CCDC146: variants seen among roughly 807,000 people sequenced by gnomAD.
CCDC146 encodes coiled-coil domain-containing protein 146.
Under a neutral mutation model 119.3 loss-of-function variants are expected in CCDC146, and 92 were observed. The ratio of observed to expected loss-of-function variants is 0.77; its 90% confidence interval spans 0.65 to 0.92. The LOEUF is 0.92. CCDC146 is among the 40% of genes least tolerant of loss of function. The probability of loss-of-function intolerance (pLI) is 0.00; values close to 1 mark genes in which losing one functional copy is unlikely to be tolerated. For synonymous variants in CCDC146, 372 were observed against 371.8 expected (o/e 1.00, Z -0.01); for missense variants, 1,000 against 1,103.0 (o/e 0.91, Z 1.32).
chr7:77,208,678 C>T (rs3114365), intron 2 of CCDC146, among the ~76,000 whole-genome samples: 10,369 of 152,208 alleles, frequency 0.068, 521 homozygotes, highest in Non-Finnish European at 0.094. Context: ...TAACCTACTT[C>T]CCTAACTACT....
intron 1 of CCDC146, among the ~76,000 whole-genome samples, chr7:77,153,852 T>C (rs571322382): frequency 6.6e-6 from 1 of 152,128 alleles, no homozygotes; most frequent in South Asian, 2.1e-4. Context: ...AAAATGTGTA[T>C]GAGAATATTT....
At chr7:77,206,292 G>T (rs1464381428) in intron 2 of CCDC146, among the ~76,000 whole-genome samples, 1 of 152,110 alleles carries the variant, frequency 6.6e-6, no homozygotes, top group Non-Finnish European at 1.5e-5. Context: ...TTTTTGGGGG[G>T]TTTTGTTTAT....
At position 77,149,107 on chromosome 7, in the gene CCDC146, A is replaced by G. The variant is rs190486889; in HGVS notation, c.-11-18551A>G. 5.3e-5 allele frequency among the ~76,000 whole-genome samples: 8 copies of G among 152,338 alleles called. No individual in the cohort carries two copies. In the East Asian group the frequency reaches 1.5e-3, roughly 29 times the overall value. On this transcript the variant is annotated intron_variant, in intron 1 of 18. Transcript: ENST00000285871. ...ACAAAGCTACAGGAACCAAAACAGC[A>G]TGGTACTGGCACCAAAACAGATATA...
At chr7:77,274,804 C>A in intron 11 of CCDC146, 152 bp downstream of exon 11, 1 of 586,842 alleles carries the variant, frequency 1.7e-6, no homozygotes, top group Non-Finnish European at 3.0e-6. Context: ...TGCATGTTCT[C>A]ACTCATAGAT....
At chr7:77,281,116 A>AC (rs924975934) in intron 14 of CCDC146, among the ~76,000 whole-genome samples, 13 of 145,676 alleles carry the variant, frequency 8.9e-5, no homozygotes, top group African/African-American at 2.6e-4. Flanking sequence ...AAACAAACAA[A>AC]AAAAAAAAAA....
At chr7:77,278,586 C>G (rs1231020185) in intron 11 of CCDC146, among the ~76,000 whole-genome samples, 166 bp from the exon 12 acceptor site, 1 of 151,946 alleles carries the variant, frequency 6.6e-6, no homozygotes, top group East Asian at 1.9e-4. Context: ...GCTGGGACTA[C>G]AGGTGCACAC....
At chr7:77,273,357 T>C (rs1793561637) in intron 9 of CCDC146, among the ~76,000 whole-genome samples, 1 of 152,194 alleles carries the variant, frequency 6.6e-6, no homozygotes, top group African/African-American at 2.4e-5. Context: ...AGCTGGCAAA[T>C]TATAGATTTT....
chr7:77,166,789 T>C (rs1244768373), intron 1 of CCDC146, among the ~76,000 whole-genome samples: 2 of 152,254 alleles, frequency 1.3e-5, no homozygotes, highest in South Asian at 2.1e-4. Flanking sequence ...AATCCCAGAT[T>C]TGTTTTTTTG....
At chr7:77,271,319 T>G (rs1479603134) in intron 9 of CCDC146, among the ~76,000 whole-genome samples, 1 of 151,274 alleles carries the variant, frequency 6.6e-6, no homozygotes, top group African/African-American at 2.4e-5. Context: ...AGCCTACATC[T>G]TTCTCCCGTG....
chr7:77,291,926 C>A (rs541602861), intron 17 of CCDC146, among the ~76,000 whole-genome samples: 15 of 152,242 alleles, frequency 9.9e-5, no homozygotes, highest in African/African-American at 3.1e-4. Context: ...CAAAGAGTAA[C>A]GTTAATTCTA....
intron 2 of CCDC146, among the ~76,000 whole-genome samples, chr7:77,215,690 G>T (rs911881516): frequency 6.6e-6 from 1 of 151,886 alleles, no homozygotes; most frequent in Non-Finnish European, 1.5e-5. Flanking sequence ...TCAAAATCCT[G>T]ATTTTCAATG....
intron 4 of CCDC146, among the ~76,000 whole-genome samples, chr7:77,242,782 T>C (rs369045458): frequency 2.0e-4 from 31 of 152,190 alleles, no homozygotes; most frequent in African/African-American, 7.2e-4. Flanking sequence ...GCAAATATAA[T>C]TCAGTCCTTC....
At chr7:77,184,865 T>C (rs115690407) in intron 2 of CCDC146, among the ~76,000 whole-genome samples, 2,054 of 152,278 alleles carry the variant, frequency 0.013, 39 homozygotes, top group African/African-American at 0.047. Context: ...ATTGTTTTGA[T>C]AAAATACAGA....
In CCDC146 at chr7:77,196,317, C is replaced by T; in HGVS notation, c.156+28493C>T. 6.2e-7 allele frequency: 1 copy of T among 1,614,030 alleles called. No homozygotes were observed. Among genetic ancestry groups the T allele is most frequent in the Non-Finnish European group, 8.5e-7 (1 of 1,179,976 alleles). ...TGCTTGGGTCTGATCATCATCTTAGCCTCTTTGAAGGAGGACTTGTAGCCA... is the reference window on the plus strand; with the variant it reads ...TGCTTGGGTCTGATCATCATCTTAGTCTCTTTGAAGGAGGACTTGTAGCCA... On this transcript the variant is annotated intron_variant, in intron 2 of 18. Coordinates refer to ENST00000285871, the MANE Select transcript of CCDC146 (RefSeq NM_020879.3). This position sits in a 1 kb window ranked among gnomAD's most constrained non-coding sequence, Gnocchi z 4.2.
chr7:77,126,372 C>T (rs1790689688), intron 1 of CCDC146, among the ~76,000 whole-genome samples: 1 of 151,966 alleles, frequency 6.6e-6, no homozygotes, highest in South Asian at 2.1e-4. Flanking sequence ...CACCTTTGCC[C>T]GAATTCTTGT....
chr7:77,271,971 G>A (rs117544635), intron 9 of CCDC146, among the ~76,000 whole-genome samples: 8 of 152,116 alleles, frequency 5.3e-5, no homozygotes, highest in Non-Finnish European at 1.2e-4. Context: ...TACATCTGCC[G>A]ACACCCGGGA....
At chr7:77,171,209 T>C (rs1300822155) in intron 2 of CCDC146, among the ~76,000 whole-genome samples, 1 of 152,206 alleles carries the variant, frequency 6.6e-6, no homozygotes, top group East Asian at 1.9e-4. Context: ...CTGACATAAG[T>C]TGTTTGAAAC....
At position 77,282,782 on chromosome 7, in the gene CCDC146, T is replaced by A; in HGVS notation, c.2145T>A (p.Ile715=). Residue 715 remains isoleucine, a synonymous_variant, in exon 15 of 19, where the codon ATT becomes ATA. Transcript: ENST00000285871. ...SLDADLAVLQ[I]QFSQCTDRIK... Reference sequence around the variant, plus strand: ...ATGCCGACCTAGCTGTGCTCCAAATTCAGGTGGGTGAGTGATCACGGGACA... The same window carrying A: ...ATGCCGACCTAGCTGTGCTCCAAATACAGGTGGGTGAGTGATCACGGGACA... 6.2e-7 allele frequency: 1 copy of A among 1,610,816 alleles called. No homozygotes were observed. Among genetic ancestry groups the A allele is most frequent in the Non-Finnish European group, 8.5e-7 (1 of 1,177,242 alleles).
chr7:77,127,935 T>G (rs1039302666), intron 1 of CCDC146, among the ~76,000 whole-genome samples: 13 of 152,164 alleles, frequency 8.5e-5, no homozygotes, highest in Admixed American at 7.9e-4. Flanking sequence ...ATCCATTGTT[T>G]AATATCTGCA....
Sources: allele counts gnomAD v4.1 joint callset (sites outside exome capture counted in the v4.1 genomes callset), GRCh38; gene constraint gnomAD v4.1.1; non-coding constraint Gnocchi (gnomAD v3.1); transcripts MANE v1.5; gene names NCBI Gene and HGNC (gene_info 2026-07-23, HGNC 2026-07-21).